THSD7B: variants seen among roughly 807,000 people sequenced by gnomAD.
The protein encoded by THSD7B is thrombospondin type 1 domain containing 7B.
In THSD7B, 138 loss-of-function variants were observed where a neutral mutation model predicts 213.6. The ratio of observed to expected loss-of-function variants is 0.65; its 90% CI spans 0.56 to 0.74. The LOEUF (loss-of-function observed/expected upper bound fraction) is 0.74. THSD7B is among the 30% of genes least tolerant of loss of function. The pLI is 0.00. For missense variants in THSD7B, 1,931 were observed against 1,991.5 expected, an observed-to-expected ratio of 0.97 and a Z score of 0.58; for synonymous variants, 742 against 687.0, an observed-to-expected ratio of 1.08 and a Z score of -1.25.
rs370388464 is a variant in THSD7B, at chr2:136,948,806, C to T, written c.139+66489C>T. Among the ~76,000 whole-genome samples, 6 of 152,134 alleles carry T rather than the reference C, an allele frequency of 3.9e-5. 1 individual carries two copies. Among genetic ancestry groups the T allele is most frequent in the South Asian group, 4.2e-4 (2 of 4,810 alleles). Reference sequence around the variant, plus strand: ...AATATAAGCAACATGTAGGTCACGTCGTATGTGAGAGATATATTCCTGATC... The same window carrying T: ...AATATAAGCAACATGTAGGTCACGTTGTATGTGAGAGATATATTCCTGATC... On this transcript the variant is annotated intron_variant, in intron 2 of 27. Coordinates refer to ENST00000409968, the MANE Select transcript of THSD7B (RefSeq NM_001316349.2).
intron 21 of THSD7B, among the ~76,000 whole-genome samples, chr2:137,646,752 T>A (rs1683041336): frequency 6.6e-6 from 1 of 151,872 alleles, no homozygotes; most frequent in Non-Finnish European, 1.5e-5. Flanking sequence ...TTTCCATTGT[T>A]TATAAATTAC....
At chr2:137,553,936 G>T (rs1185985170) in intron 15 of THSD7B, among the ~76,000 whole-genome samples, 2 of 151,840 alleles carry the variant, frequency 1.3e-5, no homozygotes, top group South Asian at 2.1e-4. Flanking sequence ...TTTGACTTTT[G>T]TGGGTGTTTT....
chr2:137,335,544 G>T (rs1684620982), intron 12 of THSD7B, among the ~76,000 whole-genome samples: 1 of 152,070 alleles, frequency 6.6e-6, no homozygotes, highest in South Asian at 2.1e-4. Context: ...AATACCCTAT[G>T]CTCACAACCT....
chr2:137,656,745 A>T, intron 22 of THSD7B, 51 bp from the exon 23 acceptor site: 1 of 1,552,994 alleles, frequency 6.4e-7, no homozygotes, highest in East Asian at 2.3e-5. Flanking sequence ...AATGTTGTCC[A>T]GTGCCACTTT....
intron 5 of THSD7B, among the ~76,000 whole-genome samples, chr2:137,131,759 A>G (rs1353981668): frequency 1.3e-5 from 2 of 152,212 alleles, no homozygotes; most frequent in Non-Finnish European, 2.9e-5. Flanking sequence ...TGGTACCAGT[A>G]CCATGCTGTT....
intron 5 of THSD7B, among the ~76,000 whole-genome samples, chr2:137,127,803 A>G (rs1688656059): frequency 6.6e-6 from 1 of 152,082 alleles, no homozygotes. Flanking sequence ...CTGTAATCCT[A>G]GCTATTCAGG....
chr2:137,410,836 T>C (rs562099931), intron 13 of THSD7B, among the ~76,000 whole-genome samples: 2 of 152,248 alleles, frequency 1.3e-5, no homozygotes, highest in Admixed American at 1.3e-4. Context: ...TCTAGGAAAA[T>C]TTTTAGTAAT....
intron 6 of THSD7B, among the ~76,000 whole-genome samples, chr2:137,165,611 A>G (rs765238139): frequency 6.6e-6 from 1 of 152,142 alleles, no homozygotes; most frequent in Non-Finnish European, 1.5e-5. Context: ...GCTGGGGTAC[A>G]CAGGCTAATG....
intron 2 of THSD7B, among the ~76,000 whole-genome samples, chr2:136,915,501 CT>C (rs2105028254): frequency 6.6e-6 from 1 of 152,328 alleles, no homozygotes; most frequent in East Asian, 1.9e-4. Flanking sequence ...CATTACATTT[CT>C]TTCTAGACCT....
At chr2:137,454,675 C>T (rs1255243342) in intron 15 of THSD7B, among the ~76,000 whole-genome samples, 1 of 151,996 alleles carries the variant, frequency 6.6e-6, no homozygotes, top group Non-Finnish European at 1.5e-5. Flanking sequence ...TATTCCCCAG[C>T]TTCTATTATT....
intron 7 of THSD7B, among the ~76,000 whole-genome samples, chr2:137,180,571 T>A (rs1036292796): frequency 6.6e-6 from 1 of 152,172 alleles, no homozygotes. Flanking sequence ...TTGAAAGAGT[T>A]ATTTCAATTG....
intron 2 of THSD7B, among the ~76,000 whole-genome samples, chr2:136,952,387 T>A (rs1205835034): frequency 6.6e-6 from 1 of 151,826 alleles, no homozygotes; most frequent in Non-Finnish European, 1.5e-5. Context: ...TTTCTCAGTT[T>A]CCATGAAAAA....
intron 27 of THSD7B, among the ~76,000 whole-genome samples, chr2:137,672,055 A>G (rs968084472): frequency 6.6e-6 from 1 of 152,152 alleles, no homozygotes; most frequent in Non-Finnish European, 1.5e-5. Context: ...GGTAATGACT[A>G]TGCTTTATGG....
At chr2:137,634,464 G>C (rs370890544) in intron 20 of THSD7B, among the ~76,000 whole-genome samples, 2 of 152,078 alleles carry the variant, frequency 1.3e-5, no homozygotes, top group Non-Finnish European at 2.9e-5. Flanking sequence ...TGAACTATTT[G>C]TTTCCAGTCA....
chr2:136,909,012 C>T (rs1368105830), intron 2 of THSD7B, among the ~76,000 whole-genome samples: 1 of 152,024 alleles, frequency 6.6e-6, no homozygotes, highest in Non-Finnish European at 1.5e-5. Context: ...AAGACCCAAT[C>T]TCTACTAAAA....
chr2:137,398,753 C>G (rs1315040649), intron 12 of THSD7B, among the ~76,000 whole-genome samples: 1 of 152,216 alleles, frequency 6.6e-6, no homozygotes, highest in Non-Finnish European at 1.5e-5. Context: ...GTGGGCGCCC[C>G]TCCCCCAGCC....
rs546002772 is a variant in THSD7B, at chr2:137,398,825, G to A, written c.2501-6788G>A. On this transcript the variant is annotated intron_variant, in intron 12 of 27. Transcript: ENST00000409968. ...GCTAGCAATCAGCGAGATTCCGTGG[G>A]CGTAGGACCCTCCAAGCCAGGTGCG... 1.3e-3 allele frequency among the ~76,000 whole-genome samples: 195 copies of A among 152,340 alleles called. 1 individual carries two copies. The highest frequency in any genetic ancestry group is 4.3e-3 in the African/African-American group (180 of 41,584).
At chr2:136,852,417 A>T (rs1683113861) in intron 1 of THSD7B, among the ~76,000 whole-genome samples, 1 of 152,200 alleles carries the variant, frequency 6.6e-6, no homozygotes, top group Non-Finnish European at 1.5e-5. Context: ...TCTGTCAACA[A>T]CCTGAATGGA....
intron 7 of THSD7B, among the ~76,000 whole-genome samples, chr2:137,181,222 A>T (rs945503361): frequency 6.6e-6 from 1 of 152,214 alleles, no homozygotes; most frequent in African/African-American, 2.4e-5. Flanking sequence ...GAAATCACAA[A>T]GAAGATAGGA....
Sources: gnomAD v4.1 joint callset for allele counts (sites outside exome capture counted in the v4.1 genomes callset) on GRCh38, gnomAD v4.1.1 for gene constraint, MANE v1.5 for transcripts, NCBI Gene and HGNC (gene_info 2026-07-23, HGNC 2026-07-21) for gene names.